SIM2: variants seen among roughly 807,000 people sequenced by gnomAD.
The protein encoded by SIM2 is single-minded homolog 2.
A neutral mutation model predicts 64.8 loss-of-function variants in SIM2; 28 were observed. The ratio of observed to expected loss-of-function variants is 0.43; its 90% CI spans 0.32 to 0.59. SIM2 has a LOEUF of 0.59. Among genes scored for constraint, SIM2 ranks in the 20% least tolerant of loss-of-function variants. The pLI, the probability that SIM2 is intolerant of heterozygous loss-of-function variation, is 0.07. For missense variants in SIM2, 847 were observed against 871.4 expected (o/e 0.97, Z 0.35); for synonymous variants, 408 against 391.1 (o/e 1.04, Z -0.51).
At chr21:36,711,459 A>G (rs1338150722) in intron 2 of SIM2, among the ~76,000 whole-genome samples, 3 of 152,244 alleles carry the variant, frequency 2.0e-5, no homozygotes, top group Non-Finnish European at 4.4e-5. Flanking sequence ...TTTAGTTGGC[A>G]AAGACTTTTT....
chr21:36,719,254 C>T (rs1225004021), intron 3 of SIM2, among the ~76,000 whole-genome samples: 1 of 152,268 alleles, frequency 6.6e-6, no homozygotes, highest in Non-Finnish European at 1.5e-5. Context: ...CCTGGCAGCG[C>T]CTGAGGGGCA....
rs755072484 is a variant in SIM2, at chr21:36,714,707, C to T, written c.348+2085C>T. Among the ~76,000 whole-genome samples the T allele has an allele frequency of 9.2e-5, 14 of 152,146 alleles. No homozygotes were observed. The East Asian group carries it at 1.3e-3, about 15-fold the overall frequency. ...GGTACTGTGCACATCCCAAGAGATC[C>T]GGTGCATTCAGTCAGGCCGTCCAAG... On this transcript the variant is annotated intron_variant, in intron 3 of 10. Transcript: ENST00000290399.
chr21:36,709,054 C>G (rs2088632443), intron 1 of SIM2, 114 bp from the exon 2 acceptor site: 1 of 857,990 alleles, frequency 1.2e-6, no homozygotes, highest in Non-Finnish European at 1.8e-6. Context: ...CGGGGAGACG[C>G]GCGGGACTCG....
In SIM2 at chr21:36,734,716, C is replaced by T. The variant is rs180852488; in HGVS notation, c.850+3565C>T. 1.2e-4 allele frequency among the ~76,000 whole-genome samples: 19 copies of T among 152,320 alleles called. No individual in the cohort carries two copies. The East Asian group carries it at 1.4e-3, about 11-fold the overall frequency. On this transcript the variant is annotated intron_variant, in intron 7 of 10. Coordinates refer to ENST00000290399, the MANE Select transcript of SIM2 (RefSeq NM_005069.6). ...CAGAGCACTCAACTGGAATGTCACA[C>T]GCCTCTCCAAAGCTAGAACTCTCTG...
intron 1 of SIM2, among the ~76,000 whole-genome samples, chr21:36,700,178 A>G (rs1211755903): frequency 6.6e-6 from 1 of 152,198 alleles, no homozygotes. Context: ...TTCCAGGGGC[A>G]GGCAGTCCCC....
rs1468566716 is a variant in SIM2 at position 36,726,542 on chromosome 21, ACTTATTGATTACTTATTTT to A, written c.743+225_743+243del. ...ACTTATTGATTTACTTATTTTATTTACTTATTGATTACTTATTTTATTTACTTATTGATTACTTGTTTTA... is the reference window on the plus strand; with the variant it reads ...ACTTATTGATTTACTTATTTTATTTAATTTACTTATTGATTACTTGTTTTA... On this transcript the variant is annotated intron_variant, in intron 6 of 10. Transcript: ENST00000290399. This position sits in a 1 kb window ranked among gnomAD's most constrained non-coding sequence, Gnocchi z 4.5. Among the ~76,000 whole-genome samples the A allele has an allele frequency of 2.6e-5, 4 of 152,166 alleles. No homozygotes were observed. Among genetic ancestry groups the A allele is most frequent in the Non-Finnish European group, 5.9e-5 (4 of 68,030 alleles).
chr21:36,745,259 T>C lies in SIM2; in HGVS notation c.1576+123T>C, dbSNP rs1568942929. On this transcript the variant is annotated intron_variant, in intron 10 of 10. Coordinates refer to ENST00000290399, the MANE Select transcript of SIM2 (RefSeq NM_005069.6). The surrounding 1 kb of genome is among the most constrained non-coding windows in gnomAD (Gnocchi z 4.8). ...ACGCTTTGGGCAAACTTGCCCTCTT[T>C]CTGCTTCTAAGTAGGGCTTGCTGTG... 3 of 1,466,068 alleles carry C rather than the reference T, an allele frequency of 2.0e-6. No homozygotes were observed. Among genetic ancestry groups the C allele is most frequent in the Non-Finnish European group, 1.8e-6 (2 of 1,105,654 alleles). The allele number at this position is 1,466,068 out of a possible 1,614,324, so 90.8% of individuals were successfully genotyped here.
chr21:36,715,140 C>G (rs2088729313), intron 3 of SIM2, among the ~76,000 whole-genome samples: 2 of 152,156 alleles, frequency 1.3e-5, no homozygotes, highest in African/African-American at 4.8e-5. Flanking sequence ...TACAAAAACA[C>G]TTTAGTGCCA....
chr21:36,747,366 C>G lies in SIM2; in HGVS notation c.1577-299C>G, dbSNP rs2089242337. Reference sequence around the variant, plus strand: ...ACCAAAAAAAAAAAAAAGAAAATATCCCAATAATTGTTTCACACGGATTCC... The same window carrying G: ...ACCAAAAAAAAAAAAAAGAAAATATGCCAATAATTGTTTCACACGGATTCC... On this transcript the variant is annotated intron_variant, in intron 10 of 10. Transcript: ENST00000290399. The surrounding 1 kb of genome is among the most constrained non-coding windows in gnomAD (Gnocchi z 4.5). 6.6e-6 allele frequency among the ~76,000 whole-genome samples: 1 copy of G among 152,122 alleles called. No individual in the cohort carries two copies. The highest frequency in any genetic ancestry group is 2.4e-5 in the African/African-American group (1 of 41,436).
chr21:36,721,026 T>C (rs1194630363), intron 4 of SIM2, among the ~76,000 whole-genome samples: 1 of 152,046 alleles, frequency 6.6e-6, no homozygotes, highest in African/African-American at 2.4e-5. Flanking sequence ...TGGGGGTTGG[T>C]GGGGAGAGGT....
At position 36,747,849 on chromosome 21, in the gene SIM2, G is replaced by A. The variant is rs1357633444; in HGVS notation, c.1761G>A (p.Glu587=). 3 of 1,037,770 alleles carry A rather than the reference G, an allele frequency of 2.9e-6. No homozygotes were observed. The highest frequency in any genetic ancestry group is 3.5e-6 in the Non-Finnish European group (3 of 862,814). The allele number at this position is 1,037,770 out of a possible 1,614,324, so 64.3% of individuals were successfully genotyped here. A position where few individuals can be genotyped will look rare whatever the true frequency, so the allele number is the denominator to read the frequency against. ...APECCAPPTP[E]APGAPAQLPF... is the part of the protein sequence containing the mutation. ...AGTGCTGCGCGCCCCCGACCCCCGA[G>A]GCCCCGGGCGCGCCGGCGCAGCTGC... is the stretch of plus-strand genomic sequence containing the variant. Residue 587 remains glutamate (E), a synonymous_variant, in exon 11 of 11, where the codon GAG becomes GAA. Transcript: ENST00000290399. This position sits in a 1 kb window ranked among gnomAD's most constrained non-coding sequence, Gnocchi z 4.5.
Position 36,743,808 on chromosome 21 carries a change from G to A in SIM2, c.1167+253G>A, listed in dbSNP as rs116436402. Among the ~76,000 whole-genome samples the A allele has an allele frequency of 7.4e-3, 1,124 of 152,314 alleles. 18 individuals are homozygous for A. The highest frequency in any genetic ancestry group is 0.025 in the African/African-American group (1,059 of 41,566). ...CACTTCAGCCCACTAGAATCCATGG[G>A]TTAGATTCTAATGGGCTTGACGGGT... On this transcript the variant is annotated intron_variant, in intron 9 of 10. Coordinates refer to ENST00000290399, the MANE Select transcript of SIM2 (RefSeq NM_005069.6).
At chr21:36,724,743 C>T (rs1422437012) in intron 5 of SIM2, among the ~76,000 whole-genome samples, 2 of 152,170 alleles carry the variant, frequency 1.3e-5, no homozygotes, top group African/African-American at 2.4e-5. Flanking sequence ...TGAATGCATT[C>T]AGAAATCCTG....
At position 36,712,508 on chromosome 21, in the gene SIM2, T is replaced by C. The variant is rs747967235; in HGVS notation, c.259-25T>C. Reference sequence around the variant, plus strand: ...ACTCTAATGTAGAATGATCATCTCTTATTCTGACACTTTATCTTTTACAGA... The same window carrying C: ...ACTCTAATGTAGAATGATCATCTCTCATTCTGACACTTTATCTTTTACAGA... On this transcript the variant is annotated intron_variant, in intron 2 of 10. Coordinates refer to ENST00000290399, the MANE Select transcript of SIM2 (RefSeq NM_005069.6). The C allele has an allele frequency of 1.1e-5, 16 of 1,505,676 alleles. No homozygotes were observed. In the East Asian group the frequency reaches 3.6e-4, roughly 34 times the overall value. The allele number at this position is 1,505,676 out of a possible 1,614,324, so 93.3% of individuals were successfully genotyped here. A position where few individuals can be genotyped will look rare whatever the true frequency, so the allele number is the denominator to read the frequency against.
intron 7 of SIM2, among the ~76,000 whole-genome samples, chr21:36,740,783 T>C (rs192323957): frequency 2.6e-5 from 4 of 152,342 alleles, no homozygotes; most frequent in Admixed American, 6.5e-5. Flanking sequence ...CTCAGCCCCT[T>C]TGGCCACCTC....
In SIM2 at chr21:36,699,691, G is replaced by A. The variant is rs563828901; in HGVS notation, c.-56G>A. The stretch of plus-strand genomic sequence containing the variant: ...CCATCCCCGCCGCCGCAGCCCGAGC[G>A]GGGCTCCGCGGGCCTGGAGCACGGC... On this transcript the variant is annotated 5_prime_UTR_variant, in exon 1 of 11. Coordinates refer to ENST00000290399, the MANE Select transcript of SIM2 (RefSeq NM_005069.6). This position sits in a 1 kb window ranked among gnomAD's most constrained non-coding sequence, Gnocchi z 5.6. 1,686 of 1,568,526 alleles carry A rather than the reference G, an allele frequency of 1.1e-3. 4 individuals carry two copies. The highest frequency in any genetic ancestry group is 1.4e-3 in the Non-Finnish European group (1,586 of 1,157,820).
intron 7 of SIM2, among the ~76,000 whole-genome samples, chr21:36,732,132 C>G (rs1281216890): frequency 2.6e-5 from 4 of 152,202 alleles, no homozygotes; most frequent in African/African-American, 9.7e-5. Context: ...ATCCATTTGT[C>G]TCCGCCTCCC....
chr21:36,743,339 G>T (rs780104964), intron 8 of SIM2, 48 bp from the exon 9 acceptor site: 1 of 1,550,038 alleles, frequency 6.5e-7, no homozygotes, highest in South Asian at 1.2e-5. Flanking sequence ...GAAGCTGCTC[G>T]GCCTCCAGCG....
At chr21:36,723,221 A>G in intron 5 of SIM2, 91 bp downstream of exon 5, 2 of 1,023,084 alleles carry the variant, frequency 2.0e-6, no homozygotes, top group Non-Finnish European at 1.5e-6. Context: ...GCACGGGAGC[A>G]CAAACTCGTC....
Sources: gnomAD v4.1 joint callset for allele counts (sites outside exome capture counted in the v4.1 genomes callset) on GRCh38, gnomAD v4.1.1 for gene constraint, Gnocchi (gnomAD v3.1) non-coding constraint, MANE v1.5 for transcripts, NCBI Gene and HGNC (gene_info 2026-07-23, HGNC 2026-07-21) for gene names.